RGS12: variants seen among roughly 807,000 people sequenced by gnomAD.
The protein encoded by RGS12 is regulator of G protein signaling 12.
A neutral mutation model predicts 120.1 loss-of-function variants in RGS12; 66 were observed. That is an observed-to-expected ratio of 0.55 (90% CI 0.45 to 0.67). RGS12 has a LOEUF of 0.67. RGS12 is among the 30% of genes least tolerant of loss of function. RGS12 has a pLI of 0.00. For missense variants in RGS12, 1,859 were observed against 1,957.7 expected (o/e 0.95, Z 0.95); for synonymous variants, 827 against 804.7 (o/e 1.03, Z -0.47).
intron 1 of RGS12, among the ~76,000 whole-genome samples, chr4:3,310,163 G>A: frequency 1.3e-5 from 2 of 150,074 alleles, no homozygotes; most frequent in African/African-American, 5.0e-5. Flanking sequence ...TCTGCTGAGG[G>A]GAACTGTGTT....
chr4:3,328,517 C>T (rs1409825714), intron 2 of RGS12, among the ~76,000 whole-genome samples: 5 of 152,194 alleles, frequency 3.3e-5, no homozygotes, highest in Non-Finnish European at 7.3e-5. Flanking sequence ...AGCACGTAGG[C>T]CCTCACCAGG....
rs894018268 is a variant in RGS12 at position 3,374,639 on chromosome 4, C to G, written c.1999-11777C>G. Among the ~76,000 whole-genome samples the G allele has an allele frequency of 2.6e-5, 4 of 151,966 alleles. No individual in the cohort carries two copies. Among genetic ancestry groups the G allele is most frequent in the Non-Finnish European group, 1.5e-5 (1 of 67,990 alleles). On this transcript the variant is annotated intron_variant, in intron 3 of 17. Coordinates refer to ENST00000336727, the MANE Select transcript of RGS12 (RefSeq NM_001394154.1). This position sits in a 1 kb window ranked among gnomAD's most constrained non-coding sequence, Gnocchi z 6.3. ...ATGTCCCTGTCCCTTCTGCTTGAGC[C>G]CACACCCTCTGATACTCCACGTCAG...
rs535268452 is a variant in RGS12, at chr4:3,436,184, C to T, written c.4115-3271C>T. ...GGGGTGCTCTCGTTCCCATGGGGGC[C>T]CATCAGCAGGAGTGCACAGGCCTTA... is the stretch of plus-strand genomic sequence containing the variant. On this transcript the variant is annotated intron_variant, in intron 17 of 17. Transcript: ENST00000336727. 3.3e-5 allele frequency among the ~76,000 whole-genome samples: 5 copies of T among 152,286 alleles called. No homozygotes were observed. In the South Asian group the frequency reaches 1.0e-3, roughly 32 times the overall value.
In RGS12 at chr4:3,414,128, G is replaced by A. The variant is rs1054799313; in HGVS notation, c.2077G>A (p.Ala693Thr). 8 of 1,571,782 alleles carry A rather than the reference G, an allele frequency of 5.1e-6. No individual in the cohort carries two copies. The highest frequency in any genetic ancestry group is 1.7e-4 in the Middle Eastern group (1 of 5,878). Residue 693 changes from alanine (A) to threonine (T), a missense_variant, in exon 5 of 18, where the codon GCC (alanine) becomes ACC (threonine). This residue lies in a region of RGS12 where 967 missense variants were observed against 994.2 expected (regional missense o/e 0.97). Coordinates refer to ENST00000336727, the MANE Select transcript of RGS12 (RefSeq NM_001394154.1). ...CVSNNSLSSN[A>T]SLPSVQSCRR... ...CAGCAACAACAGCCTGAGCAGCAAT[G>A]CCAGCCTCCCCAGCGTGCAGAGCTG... is the stretch of plus-strand genomic sequence containing the variant.
At position 3,431,873 on chromosome 4, in the gene RGS12, G is replaced by A. The variant is rs1055504779; in HGVS notation, c.4114+918G>A. On this transcript the variant is annotated intron_variant, in intron 17 of 17. Transcript: ENST00000336727. ...AGTGAGAGGCCTGCCGTGAGGTTTGGTCTTGTCAGACCTGTAGCCTGGACC... is the reference window on the plus strand; with the variant it reads ...AGTGAGAGGCCTGCCGTGAGGTTTGATCTTGTCAGACCTGTAGCCTGGACC... The A allele has an allele frequency of 6.1e-6, 6 of 985,566 alleles. No individual in the cohort carries two copies. The South Asian group carries it at 1.9e-4, about 31-fold the overall frequency. The allele number at this position is 985,566 out of a possible 1,614,324, so 61.1% of individuals were successfully genotyped here. A position where few individuals can be genotyped will look rare whatever the true frequency, so the allele number is the denominator to read the frequency against.
In RGS12 at chr4:3,416,987, G is replaced by C; in HGVS notation, c.2502G>C (p.Ala834=). ...KSPLYQECIL[A]EVEGRALPDS... ...CGCTGTACCAGGAATGCATCCTGGC[G>C]GAAGTGGAGGGCCGTGCACTCCCGG... Residue 834 remains alanine (A), a synonymous_variant, in exon 8 of 18, where the codon GCG becomes GCC. Coordinates refer to ENST00000336727, the MANE Select transcript of RGS12 (RefSeq NM_001394154.1). 1 of 1,613,358 alleles carries C rather than the reference G, an allele frequency of 6.2e-7. No homozygotes were observed. The highest frequency in any genetic ancestry group is 8.5e-7 in the Non-Finnish European group (1 of 1,179,690).
At chr4:3,394,315 A>G (rs551807301) in intron 4 of RGS12, among the ~76,000 whole-genome samples, 3 of 152,204 alleles carry the variant, frequency 2.0e-5, no homozygotes, top group African/African-American at 7.2e-5. Context: ...GATGTACACC[A>G]CCACGCCTGG....
At chr4:3,393,303 G>T (rs912425259) in intron 4 of RGS12, among the ~76,000 whole-genome samples, 2 of 152,216 alleles carry the variant, frequency 1.3e-5, no homozygotes, top group Non-Finnish European at 2.9e-5. Context: ...TGTTCCCGCC[G>T]CAGCCCCCGG....
intron 4 of RGS12, among the ~76,000 whole-genome samples, chr4:3,401,110 A>G (rs1720536411): frequency 1.3e-5 from 2 of 152,212 alleles, no homozygotes; most frequent in African/African-American, 4.8e-5. Context: ...AGTGAGATCA[A>G]CCCTGGCGGC....
At position 3,416,141 on chromosome 4, in the gene RGS12, G is replaced by A. The variant is rs752764738; in HGVS notation, c.2427+20G>A. The A allele has an allele frequency of 1.2e-6, 2 of 1,613,322 alleles. No homozygotes were observed. Among genetic ancestry groups the A allele is most frequent in the East Asian group, 2.2e-5 (1 of 44,866 alleles). ...CTGCAGGTAACCGCAGGCTGTGGGA[G>A]CTTGTGGGGAGTCCAGGCTAGGGCT... On this transcript the variant is annotated intron_variant, in intron 7 of 17. Coordinates refer to ENST00000336727, the MANE Select transcript of RGS12 (RefSeq NM_001394154.1).
rs368643671 is a variant in RGS12, at chr4:3,406,577, G to A, written c.2021-7495G>A. On this transcript the variant is annotated intron_variant, in intron 4 of 17. Coordinates refer to ENST00000336727, the MANE Select transcript of RGS12 (RefSeq NM_001394154.1). Reference sequence around the variant, plus strand: ...ATTCCTGCAGTTGCTGTCGGGGGCCGCTTCTGTCCTAACTGCAGAGAGTGC... The same window carrying A: ...ATTCCTGCAGTTGCTGTCGGGGGCCACTTCTGTCCTAACTGCAGAGAGTGC... Among the ~76,000 whole-genome samples the A allele has an allele frequency of 9.8e-5, 15 of 152,330 alleles. No individual in the cohort carries two copies. In the East Asian group the frequency reaches 1.3e-3, roughly 14 times the overall value.
intron 4 of RGS12, among the ~76,000 whole-genome samples, chr4:3,394,849 C>T (rs564105403): frequency 8.5e-5 from 13 of 152,132 alleles, no homozygotes; most frequent in African/African-American, 3.1e-4. Context: ...CACCCGACGG[C>T]TGTTGCCTGT....
upstream of RGS12, among the ~76,000 whole-genome samples, chr4:3,288,162 G>T (rs1340970325): frequency 3.9e-5 from 6 of 152,192 alleles, no homozygotes; most frequent in Non-Finnish European, 1.5e-5. The surrounding 1 kb of genome is among the most constrained non-coding windows in gnomAD (Gnocchi z 5.2). Context: ...CGCATGGGGA[G>T]TGTGCGCAGA....
intron 17 of RGS12, chr4:3,431,335 C>G (rs1724281596): frequency 9.3e-7 from 1 of 1,074,332 alleles, no homozygotes; most frequent in African/African-American, 1.7e-5. Flanking sequence ...GTTTCTGTCT[C>G]AAGACTGGAA....
intron 4 of RGS12, among the ~76,000 whole-genome samples, chr4:3,409,346 A>G (rs546933247): frequency 2.6e-5 from 4 of 152,350 alleles, no homozygotes; most frequent in East Asian, 1.9e-4. Context: ...TTAAAATACA[A>G]TCATGTTTCT....
At position 3,317,889 on chromosome 4, in the gene RGS12, C is replaced by T. The variant is rs1417468146; in HGVS notation, c.1719C>T (p.Pro573=). 6.2e-7 allele frequency: 1 copy of T among 1,613,892 alleles called. No homozygotes were observed. Among genetic ancestry groups the T allele is most frequent in the Non-Finnish European group, 8.5e-7 (1 of 1,179,964 alleles). The change falls in exon 2 of 18, where the codon CCC becomes CCT. Residue 573 remains proline (P), a synonymous_variant. Transcript: ENST00000336727. ...GWSSINCGTL[P]PPMSKIPADR... is the part of the protein sequence containing the mutation. ...CCAGCATCAACTGCGGCACACTGCC[C>T]CCTCCTATGAGCAAGATCCCCGCAG...
At position 3,390,207 on chromosome 4, in the gene RGS12, A is replaced by G. The variant is rs1179792041; in HGVS notation, c.2020+3770A>G. ...ATGCGGTTTCCCTCTTCCCTTCCTG[A>G]CCACCTGCCCCCATCCTGAGCGATG... is the stretch of plus-strand genomic sequence containing the variant. On this transcript the variant is annotated intron_variant, in intron 4 of 17. Transcript: ENST00000336727. This position sits in a 1 kb window ranked among gnomAD's most constrained non-coding sequence, Gnocchi z 4.6. Among the ~76,000 whole-genome samples the G allele has an allele frequency of 1.3e-5, 2 of 151,848 alleles. No homozygotes were observed. Among genetic ancestry groups the G allele is most frequent in the African/African-American group, 4.8e-5 (2 of 41,286 alleles).
rs376174280 is a variant in RGS12, at chr4:3,416,127, C to T, written c.2427+6C>T. ...TCAAGGAGCAGCAGCTGCAGGTAAC[C>T]GCAGGCTGTGGGAGCTTGTGGGGAG... On this transcript the variant is annotated splice_donor_region_variant and intron_variant, in intron 7 of 17. Coordinates refer to ENST00000336727, the MANE Select transcript of RGS12 (RefSeq NM_001394154.1). The T allele has an allele frequency of 3.2e-5, 52 of 1,613,744 alleles. No individual in the cohort carries two copies. Among genetic ancestry groups the T allele is most frequent in the Admixed American group, 1.0e-4 (6 of 59,980 alleles).
intron 6 of RGS12, among the ~76,000 whole-genome samples, 165 bp downstream of exon 6, chr4:3,415,009 G>A (rs1203115): frequency 2.7e-5 from 4 of 147,034 alleles, no homozygotes; most frequent in African/African-American, 5.0e-5. Context: ...CGTGTGAGGG[G>A]CGTGTGTGAG....
Sources: gnomAD v4.1 joint callset for allele counts (sites outside exome capture counted in the v4.1 genomes callset) on GRCh38, gnomAD v4.1.1 for gene constraint, gnomAD v4.1.1 regional missense constraint, Gnocchi (gnomAD v3.1) non-coding constraint, MANE v1.5 for transcripts, NCBI Gene and HGNC (gene_info 2026-07-23, HGNC 2026-07-21) for gene names.